Variants in ZFHX3 observed in about 807,000 individuals in gnomAD.
The protein encoded by ZFHX3 is zinc finger homeobox 3.
A neutral mutation model predicts 279.1 loss-of-function variants in ZFHX3; 42 were observed. The ratio of observed to expected loss-of-function variants is 0.15; its 90% CI spans 0.12 to 0.19. The LOEUF (loss-of-function observed/expected upper bound fraction) is 0.19, where lower values mean the gene tolerates loss of function less well. ZFHX3 is among the 10% of genes least tolerant of loss of function. ZFHX3 has a pLI of 1.00. For synonymous variants in ZFHX3, 2,293 were observed against 1,957.8 expected, an observed-to-expected ratio of 1.17 and a Z score of -4.52; for missense variants, 4,981 against 4,754.0, an observed-to-expected ratio of 1.05 and a Z score of -1.40.
intron 3 of ZFHX3, among the ~76,000 whole-genome samples, chr16:72,934,876 G>T (rs1161235203): frequency 2.0e-5 from 3 of 152,204 alleles, no homozygotes; most frequent in Non-Finnish European, 4.4e-5. Flanking sequence ...GTTTTTTAAA[G>T]GCCCCTGGGC....
chr16:73,163,780 CA>C (rs746366586), intron 5 of ZFHX3, among the ~76,000 whole-genome samples: 1 of 151,898 alleles, frequency 6.6e-6, no homozygotes, highest in Non-Finnish European at 1.5e-5. Context: ...TGGAATAATC[CA>C]AGGGTATTTG....
chr16:72,854,421 T>C (rs950853198), intron 4 of ZFHX3, among the ~76,000 whole-genome samples: 5 of 152,112 alleles, frequency 3.3e-5, no homozygotes, highest in Admixed American at 6.5e-5. Context: ...CAAGCTGCAT[T>C]ACTAAAGCCC....
intron 3 of ZFHX3, among the ~76,000 whole-genome samples, chr16:73,334,625 C>T (rs1262335008): frequency 6.6e-6 from 1 of 151,852 alleles, no homozygotes; most frequent in Non-Finnish European, 1.5e-5. Context: ...CGCAGTCACT[C>T]TTCTTTGTGC....
In ZFHX3 at chr16:73,398,206, G is replaced by T. The variant is rs372582463; in HGVS notation, c.-1291+57797C>A. On this transcript the variant is annotated intron_variant, in intron 3 of 17. Coordinates refer to the ZFHX3 transcript ENST00000641206. ...CTGTTAGAGGTTGACATGGAGAGTC[G>T]GGGGTTCAGGAGAGATTACTGAGGA... Among the ~76,000 whole-genome samples the T allele has an allele frequency of 6.0e-4, 92 of 152,252 alleles. 1 individual carries two copies. The highest frequency in any genetic ancestry group is 2.2e-3 in the African/African-American group (92 of 41,536).
At chr16:73,807,157 A>G (rs1960297811) in intron 1 of ZFHX3, among the ~76,000 whole-genome samples, 1 of 152,174 alleles carries the variant, frequency 6.6e-6, no homozygotes, top group Non-Finnish European at 1.5e-5. Flanking sequence ...GACCGCTGGC[A>G]TTTCAGCTGT....
At chr16:73,318,894 T>C (rs536995535) in intron 3 of ZFHX3, among the ~76,000 whole-genome samples, 1 of 152,326 alleles carries the variant, frequency 6.6e-6, no homozygotes, top group South Asian at 2.1e-4. Context: ...AAGTGTCCTA[T>C]GCTATTTGAA....
chr16:72,788,455 G>C lies in ZFHX3; in HGVS notation c.9821C>G (p.Ala3274Gly), dbSNP rs563030073. 2 of 1,614,126 alleles carry C rather than the reference G, an allele frequency of 1.2e-6. No homozygotes were observed. The highest frequency in any genetic ancestry group is 3.3e-5 in the Admixed American group (2 of 60,012). The stretch of plus-strand genomic sequence containing the variant: ...CGCATACTCCATGGTGGGCAGCGGG[G>C]CTGAGATCGTGGCTGCAGTTGCCGT... The part of the protein sequence containing the change: ...APTATAATIS[A>G]PLPTMEYAVD... Residue 3274 changes from alanine to glycine, a missense_variant, in exon 10 of 10, where the codon GCC becomes GGC. Coordinates refer to ENST00000268489, the MANE Select transcript of ZFHX3 (RefSeq NM_006885.4).
intron 5 of ZFHX3, among the ~76,000 whole-genome samples, chr16:73,151,529 G>T (rs908851340): frequency 2.0e-5 from 3 of 151,688 alleles, no homozygotes; most frequent in Non-Finnish European, 4.4e-5. Flanking sequence ...CCTCCTGCTC[G>T]GTGGGAAAGA....
At position 72,886,114 on chromosome 16, in the gene ZFHX3, G is replaced by C. The variant is rs1336673867; in HGVS notation, c.3448+3617C>G. Reference sequence around the variant, plus strand: ...AGAGCCAACCCCTGGGGAGAGGGAAGATACATCTTAAGATGAGTTTTCTTA... The same window carrying C: ...AGAGCCAACCCCTGGGGAGAGGGAACATACATCTTAAGATGAGTTTTCTTA... On this transcript the variant is annotated intron_variant, in intron 4 of 9. Transcript: ENST00000268489. Among the ~76,000 whole-genome samples the C allele has an allele frequency of 2.0e-5, 3 of 152,198 alleles. No individual in the cohort carries two copies. In the East Asian group the frequency reaches 5.8e-4, roughly 29 times the overall value.
At chr16:73,585,016 A>T (rs2051909300) in intron 2 of ZFHX3, among the ~76,000 whole-genome samples, 1 of 152,262 alleles carries the variant, frequency 6.6e-6, no homozygotes, top group East Asian at 1.9e-4. Flanking sequence ...ATGCAAATCA[A>T]AAAATGAAAT....
chr16:73,493,816 G>T (rs2019092542), intron 2 of ZFHX3, among the ~76,000 whole-genome samples: 1 of 150,354 alleles, frequency 6.7e-6, no homozygotes, highest in African/African-American at 2.5e-5. Context: ...GCTAGCCAAG[G>T]CTTTTTGGAT....
chr16:73,608,443 G>C (rs976370469), intron 2 of ZFHX3, among the ~76,000 whole-genome samples: 1 of 152,202 alleles, frequency 6.6e-6, no homozygotes, highest in African/African-American at 2.4e-5. Flanking sequence ...TGAAGGAACA[G>C]ATTACAAATA....
chr16:73,036,844 G>A (rs952025808), intron 1 of ZFHX3, among the ~76,000 whole-genome samples: 4 of 152,200 alleles, frequency 2.6e-5, no homozygotes, highest in African/African-American at 9.7e-5. Context: ...AATTGTTAAA[G>A]CAGATGGCCG....
intron 8 of ZFHX3, among the ~76,000 whole-genome samples, chr16:73,079,531 A>C (rs1266248837): frequency 3.3e-5 from 5 of 152,106 alleles, no homozygotes; most frequent in Admixed American, 6.6e-5. Flanking sequence ...TAGAGATGGG[A>C]TCTCACTATG....
chr16:72,900,148 A>C (rs981311812), intron 3 of ZFHX3, among the ~76,000 whole-genome samples: 8 of 151,860 alleles, frequency 5.3e-5, no homozygotes, highest in Non-Finnish European at 1.2e-4. Flanking sequence ...AAAAAAAAAA[A>C]AAAAAAACAA....
intron 4 of ZFHX3, chr16:73,293,921 T>C (rs1457699479): frequency 6.7e-6 from 1 of 150,256 alleles, no homozygotes; most frequent in Non-Finnish European, 1.5e-5. Context: ...CCGTTTTACT[T>C]TGATCAGATT....
intron 3 of ZFHX3, among the ~76,000 whole-genome samples, chr16:73,322,775 A>G (rs1397776147): frequency 6.6e-6 from 1 of 152,240 alleles, no homozygotes; most frequent in Non-Finnish European, 1.5e-5. Flanking sequence ...AAATCTCTTC[A>G]AGTGCATTTC....
intron 1 of ZFHX3, among the ~76,000 whole-genome samples, chr16:73,817,977 G>C (rs182896351): frequency 4.9e-4 from 74 of 152,304 alleles, no homozygotes; most frequent in Middle Eastern, 3.4e-3. Context: ...CCAAGTGTAC[G>C]AAAGTTAAAA....
intron 1 of ZFHX3, among the ~76,000 whole-genome samples, chr16:72,964,258 C>T (rs570985303): frequency 3.3e-5 from 5 of 152,284 alleles, no homozygotes; most frequent in Middle Eastern, 3.4e-3. Context: ...TAAGTTTATT[C>T]ATGAAAAACA....
Sources: allele counts gnomAD v4.1 joint callset (sites outside exome capture counted in the v4.1 genomes callset), GRCh38; gene constraint gnomAD v4.1.1; transcripts MANE v1.5; gene names NCBI Gene and HGNC (gene_info 2026-07-23, HGNC 2026-07-21).